SNX7: variants seen among roughly 807,000 people sequenced by gnomAD.
SNX7 encodes sorting nexin-7.
A neutral mutation model predicts 48.4 loss-of-function variants in SNX7; 35 were observed. The ratio of observed to expected loss-of-function variants is 0.72; its 90% confidence interval spans 0.55 to 0.96. SNX7 has a LOEUF of 0.96. SNX7 is among the 40% of genes least tolerant of loss of function. The probability of loss-of-function intolerance (pLI) is 0.00; values close to 1 mark genes in which losing one functional copy is unlikely to be tolerated. For missense variants in SNX7, 553 were observed against 548.9 expected (o/e 1.01, Z -0.07); for synonymous variants, 190 against 190.2 (o/e 1.00, Z 0.01).
chr1:98,672,930 CAA>C (rs57705068), intron 1 of SNX7, among the ~76,000 whole-genome samples: 10 of 88,520 alleles, frequency 1.1e-4, no homozygotes, highest in East Asian at 4.2e-4. Flanking sequence ...GACTCCGTCT[CAA>C]AAAAAAAAAA....
At chr1:98,695,268 T>A (rs1234410180) in intron 4 of SNX7, among the ~76,000 whole-genome samples, 6 of 152,154 alleles carry the variant, frequency 3.9e-5, no homozygotes, top group African/African-American at 1.2e-4. Flanking sequence ...TTTTAAAGAT[T>A]TACGGTCTGA....
At chr1:98,710,149 A>T (rs1020406100) in intron 7 of SNX7, among the ~76,000 whole-genome samples, 1 of 152,186 alleles carries the variant, frequency 6.6e-6, no homozygotes, top group African/African-American at 2.4e-5. Flanking sequence ...TTACCCAGAA[A>T]ACTTGTCAAG....
intron 7 of SNX7, among the ~76,000 whole-genome samples, chr1:98,727,059 A>C (rs2101016943): frequency 6.6e-6 from 1 of 152,264 alleles, no homozygotes; most frequent in South Asian, 2.1e-4. Context: ...GAATACAAAA[A>C]ATTAGCTGGG....
At chr1:98,756,052 C>G (rs1654831941) in intron 8 of SNX7, among the ~76,000 whole-genome samples, 1 of 151,728 alleles carries the variant, frequency 6.6e-6, no homozygotes, top group South Asian at 2.1e-4. Flanking sequence ...TTTTACATCT[C>G]TTTGTGGTGT....
intron 7 of SNX7, among the ~76,000 whole-genome samples, chr1:98,705,869 A>G (rs1164515804): frequency 1.3e-5 from 2 of 152,148 alleles, no homozygotes; most frequent in Non-Finnish European, 2.9e-5. Context: ...AAGAGTTAAT[A>G]TGAGAAAGAC....
At chr1:98,691,937 A>ACACTCTCTCTCTCT (rs376006567) in intron 4 of SNX7, among the ~76,000 whole-genome samples, 186 of 131,176 alleles carry the variant, frequency 1.4e-3, no homozygotes, top group African/African-American at 4.3e-3. Context: ...ACACACACAC[A>ACACTCTCTCTCTCT]CTCTCTCTCT....
chr1:98,679,004 C>T (rs530856331), intron 1 of SNX7, among the ~76,000 whole-genome samples: 1 of 152,162 alleles, frequency 6.6e-6, no homozygotes, highest in Non-Finnish European at 1.5e-5. Context: ...GCAATTCCAG[C>T]ACTCTGGCAG....
At chr1:98,668,823 G>T (rs1649681921) in intron 1 of SNX7, among the ~76,000 whole-genome samples, 1 of 152,282 alleles carries the variant, frequency 6.6e-6, no homozygotes, top group South Asian at 2.1e-4. Context: ...TCAGAAAATA[G>T]ATTTCTAATT....
chr1:98,682,524 G>T (rs780469991), intron 1 of SNX7, among the ~76,000 whole-genome samples: 1 of 152,060 alleles, frequency 6.6e-6, no homozygotes, highest in Non-Finnish European at 1.5e-5. Context: ...CTGTATATTT[G>T]AATGACAATT....
At chr1:98,684,623 T>C (rs1650685299) in intron 1 of SNX7, among the ~76,000 whole-genome samples, 1 of 152,144 alleles carries the variant, frequency 6.6e-6, no homozygotes, top group South Asian at 2.1e-4. Context: ...AACATGACAT[T>C]TGGAGGGAAC....
chr1:98,662,139 T>A (rs1557779850), intron 1 of SNX7: 7 of 382,664 alleles, frequency 1.8e-5, no homozygotes, highest in Non-Finnish European at 3.2e-5. Flanking sequence ...CTCCGCACTT[T>A]GACCTTCCGT....
intron 2 of SNX7, among the ~76,000 whole-genome samples, chr1:98,690,029 T>C (rs978988103): frequency 6.6e-6 from 1 of 152,168 alleles, no homozygotes; most frequent in Non-Finnish European, 1.5e-5. Context: ...CTTTGGAAAG[T>C]ATAGCTTTCA....
chr1:98,698,817 G>T lies in SNX7; in HGVS notation c.950G>T (p.Cys317Phe). 2 of 1,613,750 alleles carry T rather than the reference G, an allele frequency of 1.2e-6. No individual in the cohort carries two copies. Among genetic ancestry groups the T allele is most frequent in the Non-Finnish European group, 1.7e-6 (2 of 1,179,794 alleles). ...GTTGCCAGCTGCATTGACAGATGCTGTAAGGCCACTGAAAAGCGGATGTCT... is the reference window on the plus strand; with the variant it reads ...GTTGCCAGCTGCATTGACAGATGCTTTAAGGCCACTGAAAAGCGGATGTCT... The part of the protein sequence containing the change: ...KDVASCIDRC[C>F]KATEKRMSGL... Residue 317 changes from cysteine to phenylalanine, a missense_variant, in exon 6 of 9, where the codon TGT (cysteine) becomes TTT (phenylalanine). Cys to Phe is a radical substitution (Grantham distance 205, BLOSUM62 -2). Coordinates refer to ENST00000306121, the MANE Select transcript of SNX7 (RefSeq NM_015976.5).
chr1:98,732,701 G>A (rs1435681749), intron 7 of SNX7, among the ~76,000 whole-genome samples: 2 of 151,960 alleles, frequency 1.3e-5, no homozygotes, highest in Non-Finnish European at 2.9e-5. Flanking sequence ...ATCCAAAGAG[G>A]TATCAAAGAG....
intron 4 of SNX7, among the ~76,000 whole-genome samples, chr1:98,691,942 C>CACAT (rs1651163278): frequency 5.8e-5 from 6 of 103,958 alleles, no homozygotes; most frequent in Non-Finnish European, 1.1e-4. Context: ...CACACACTCT[C>CACAT]TCTCTCTCTC....
In SNX7 at chr1:98,742,333, G is replaced by A. The variant is rs996721491; in HGVS notation, c.1278+3944G>A. On this transcript the variant is annotated intron_variant, in intron 8 of 8. Coordinates refer to ENST00000306121, the MANE Select transcript of SNX7 (RefSeq NM_015976.5). ...GTGTGCCTGCTAAATTACCATTTCT[G>A]AGTACCTGCTGTGATCCGGCCCTGC... 3.5e-4 allele frequency among the ~76,000 whole-genome samples: 54 copies of A among 152,178 alleles called. 1 individual carries two copies. The highest frequency in any genetic ancestry group is 1.3e-3 in the African/African-American group (54 of 41,544).
At chr1:98,661,679 G>C, upstream of SNX7, 1 of 1,192,568 alleles carries the variant, frequency 8.4e-7, no homozygotes, top group African/African-American at 1.6e-5. Flanking sequence ...GGCACGCTCG[G>C]GGGAGCCGGG....
At chr1:98,755,875 G>A (rs1405721528) in intron 8 of SNX7, among the ~76,000 whole-genome samples, 2 of 151,700 alleles carry the variant, frequency 1.3e-5, no homozygotes, top group African/African-American at 4.8e-5. Flanking sequence ...TATTCAGTTG[G>A]CAATCTGCAT....
chr1:98,734,036 C>A (rs1437439094), intron 7 of SNX7, among the ~76,000 whole-genome samples: 1 of 152,050 alleles, frequency 6.6e-6, no homozygotes, highest in Non-Finnish European at 1.5e-5. Context: ...CTGTATTTCC[C>A]ATGCTTCTCC....
Sources: gnomAD v4.1 joint callset for allele counts (sites outside exome capture counted in the v4.1 genomes callset) on GRCh38, gnomAD v4.1.1 for gene constraint, MANE v1.5 for transcripts, NCBI Gene and HGNC (gene_info 2026-07-23, HGNC 2026-07-21) for gene names.